The following PRIM2 variants were observed in gnomAD, a reference collection of about 807,000 sequenced individuals.
The protein encoded by PRIM2 is DNA primase large subunit.
A neutral mutation model predicts 67.3 loss-of-function variants in PRIM2; 39 were observed. That is an observed-to-expected ratio of 0.58 (90% CI 0.45 to 0.76). PRIM2 has a LOEUF of 0.76. Among genes scored for constraint, PRIM2 ranks in the 30% least tolerant of loss-of-function variants. The pLI, the probability that PRIM2 is intolerant of heterozygous loss-of-function variation, is 0.00. For missense variants in PRIM2, 398 were observed against 598.7 expected, an observed-to-expected ratio of 0.66 and a Z score of 3.50; for synonymous variants, 143 against 198.7, an observed-to-expected ratio of 0.72 and a Z score of 2.36.
chr6:57,502,748 A>G (rs1443804928), intron 7 of PRIM2, among the ~76,000 whole-genome samples: 1 of 152,180 alleles, frequency 6.6e-6, no homozygotes, highest in East Asian at 1.9e-4. Flanking sequence ...TTTATGAGAA[A>G]TAAAGCTTCT....
intron 7 of PRIM2, among the ~76,000 whole-genome samples, chr6:57,411,163 A>G (rs1174551854): frequency 4.0e-5 from 6 of 151,852 alleles, no homozygotes; most frequent in Admixed American, 1.3e-4. Context: ...TGCTCTCACC[A>G]TGTGAAGTAC....
intron 6 of PRIM2, among the ~76,000 whole-genome samples, chr6:57,381,530 C>A (rs1380766516): frequency 7.1e-6 from 1 of 140,006 alleles, no homozygotes; most frequent in Non-Finnish European, 1.5e-5. Flanking sequence ...TTATTATTTC[C>A]ATTTCTTAGT....
intron 7 of PRIM2, among the ~76,000 whole-genome samples, chr6:57,491,567 T>C (rs1404180218): frequency 5.3e-4 from 80 of 152,302 alleles, no homozygotes; most frequent in African/African-American, 1.8e-3. Flanking sequence ...GCAGTATGTA[T>C]TTTTTAGAAA....
intron 5 of PRIM2, among the ~76,000 whole-genome samples, chr6:57,379,694 T>C (rs7759919): frequency 2.0e-5 from 3 of 152,212 alleles, no homozygotes; most frequent in Non-Finnish European, 4.4e-5. Context: ...GGGTTGAAAT[T>C]TGAAAGAATA....
At chr6:57,477,044 G>T (rs1422733199) in intron 7 of PRIM2, among the ~76,000 whole-genome samples, 2 of 152,224 alleles carry the variant, frequency 1.3e-5, no homozygotes, top group African/African-American at 4.8e-5. Context: ...AGGCTGGATT[G>T]CAGTAGCGTG....
chr6:57,620,723 C>G (rs1776837707), intron 12 of PRIM2, among the ~76,000 whole-genome samples: 2 of 152,362 alleles, frequency 1.3e-5, no homozygotes, highest in Admixed American at 1.3e-4. Context: ...AAAGGTACCT[C>G]ACATTTCAAT....
intron 12 of PRIM2, among the ~76,000 whole-genome samples, chr6:57,614,019 C>G (rs1275262798): frequency 6.6e-6 from 1 of 152,044 alleles, no homozygotes; most frequent in African/African-American, 2.4e-5. Context: ...CAGGGCTGTT[C>G]ATTATATCAG....
At chr6:57,326,893 C>CTTTTTT (rs70989764) in intron 5 of PRIM2, among the ~76,000 whole-genome samples, 10 of 131,522 alleles carry the variant, frequency 7.6e-5, no homozygotes, top group African/African-American at 2.4e-4. Flanking sequence ...GAATTTGTAT[C>CTTTTTT]TTTTTTTTTT....
At chr6:57,485,082 A>C (rs1315255004) in intron 7 of PRIM2, among the ~76,000 whole-genome samples, 6 of 152,208 alleles carry the variant, frequency 3.9e-5, no homozygotes, top group Non-Finnish European at 8.8e-5. Context: ...GCCATTATTT[A>C]GGAGATATTT....
At chr6:57,324,643 G>A (rs543283319) in intron 4 of PRIM2, among the ~76,000 whole-genome samples, 104 of 152,276 alleles carry the variant, frequency 6.8e-4, no homozygotes, top group Middle Eastern at 3.4e-3. Flanking sequence ...ACTTGAATTT[G>A]ATACAGGTTT....
chr6:57,383,504 G>T (rs553336556), intron 7 of PRIM2: 8 of 150,016 alleles, frequency 5.3e-5, no homozygotes, highest in African/African-American at 1.7e-4. Flanking sequence ...TTTAATTTAT[G>T]CCTGTGACAA....
chr6:57,473,051 T>A (rs1773376082), intron 7 of PRIM2, among the ~76,000 whole-genome samples: 1 of 152,242 alleles, frequency 6.6e-6, no homozygotes, highest in African/African-American at 2.4e-5. Flanking sequence ...TACAGCTTTG[T>A]ATTAAAGGCT....
the PRIM2 span, among the ~76,000 whole-genome samples, chr6:57,290,533 C>G: frequency 6.6e-6 from 1 of 152,268 alleles, no homozygotes; most frequent in South Asian, 2.1e-4. Flanking sequence ...ACTCTCCAAC[C>G]CAAATCAACA....
chr6:57,495,633 C>A (rs1207782856), intron 7 of PRIM2, among the ~76,000 whole-genome samples: 1 of 152,206 alleles, frequency 6.6e-6, no homozygotes, highest in Non-Finnish European at 1.5e-5. Flanking sequence ...TTCAGTTCTT[C>A]AAGTGCATTT....
chr6:57,639,951 A>G (rs1416984139), intron 13 of PRIM2, among the ~76,000 whole-genome samples: 3 of 152,016 alleles, frequency 2.0e-5, no homozygotes, highest in African/African-American at 7.3e-5. Context: ...TTTCTGGCCA[A>G]TATCCCTGGT....
chr6:57,589,756 C>A lies in PRIM2; in HGVS notation c.1021-11337C>A, dbSNP rs1440531772. ...AAGGCTTTGCCAGTGAGAAAGCAAG[C>A]AGACAGTATTAGAACTATAGCGGCA... On this transcript the variant is annotated intron_variant, in intron 10 of 13. Transcript: ENST00000615550. 4.6e-5 allele frequency among the ~76,000 whole-genome samples: 7 copies of A among 152,178 alleles called. No individual in the cohort carries two copies. In the South Asian group the frequency reaches 1.2e-3, roughly 27 times the overall value.
At chr6:57,422,074 GTTTAAA>G (rs1771482164) in intron 7 of PRIM2, among the ~76,000 whole-genome samples, 1 of 149,974 alleles carries the variant, frequency 6.7e-6, no homozygotes, top group Non-Finnish European at 1.5e-5. Flanking sequence ...CAAACGTACA[GTTTAAA>G]TTTATAGAAC....
intron 13 of PRIM2, among the ~76,000 whole-genome samples, chr6:57,639,584 C>T (rs1777189062): frequency 7.2e-6 from 1 of 138,656 alleles, no homozygotes; most frequent in Non-Finnish European, 1.5e-5. Context: ...CCACTGATCC[C>T]ACAGAAATAC....
chr6:57,636,735 C>A (rs1305578646), intron 13 of PRIM2, among the ~76,000 whole-genome samples: 1 of 152,164 alleles, frequency 6.6e-6, no homozygotes, highest in African/African-American at 2.4e-5. Context: ...TTAATTATCT[C>A]TGAAAAAAAG....
Sources: gnomAD v4.1 joint callset for allele counts (sites outside exome capture counted in the v4.1 genomes callset) on GRCh38, gnomAD v4.1.1 for gene constraint, MANE v1.5 for transcripts, NCBI Gene and HGNC (gene_info 2026-07-23, HGNC 2026-07-21) for gene names.